SRSF11: variants seen among roughly 807,000 people sequenced by gnomAD.
SRSF11 encodes the protein serine/arginine-rich splicing factor 11.
Under a neutral mutation model 56.0 loss-of-function variants are expected in SRSF11, and 9 were observed. That is an observed-to-expected ratio of 0.16 (90% CI 0.10 to 0.28). The LOEUF (loss-of-function observed/expected upper bound fraction) is 0.28, where lower values mean the gene tolerates loss of function less well. Ranked by LOEUF, SRSF11 falls within the 10% of genes least tolerant of loss-of-function variation. The pLI is 1.00. For missense variants in SRSF11, 421 were observed against 600.7 expected (o/e 0.70, Z 3.13); for synonymous variants, 222 against 215.3 (o/e 1.03, Z -0.27).
intron 1 of SRSF11, among the ~76,000 whole-genome samples, chr1:70,213,500 GATTT>G (rs538837348): frequency 1.7e-3 from 260 of 152,198 alleles, no homozygotes; most frequent in African/African-American, 6.1e-3. Flanking sequence ...AATTTTTGTG[GATTT>G]ATTATGACAA....
intron 7 of SRSF11, among the ~76,000 whole-genome samples, chr1:70,242,410 C>T (rs1675665089): frequency 6.6e-6 from 1 of 151,832 alleles, no homozygotes; most frequent in East Asian, 1.9e-4. Flanking sequence ...ATCCTCCCAC[C>T]TCAGCCTCCT....
intron 1 of SRSF11, among the ~76,000 whole-genome samples, chr1:70,208,537 C>T (rs1669264246): frequency 6.6e-6 from 1 of 152,094 alleles, no homozygotes; most frequent in African/African-American, 2.4e-5. Context: ...AGGGTTTCGC[C>T]ATGTTGGCCA....
At position 70,221,646 on chromosome 1, in the gene SRSF11, A is replaced by G. The variant is rs777093036; in HGVS notation, c.10A>G (p.Thr4Ala). The change falls in exon 1 of 12, where the codon ACT (threonine) becomes GCT (alanine). Residue 4 changes from threonine (T) to alanine (A), a missense_variant. Physicochemically the swap from Thr to Ala is moderately conservative, Grantham distance 58. Coordinates refer to ENST00000370949, the MANE Select transcript of SRSF11 (RefSeq NM_001350605.2). ...GAACCCGAGCAGCGCCATGAGCAACACTACCGTCGTCCCCAGCACTGCAGG... is the reference window on the plus strand; with the variant it reads ...GAACCCGAGCAGCGCCATGAGCAACGCTACCGTCGTCCCCAGCACTGCAGG... MSNTTVVPSTAGPG... is the reference protein window; with the variant it reads MSNATVVPSTAGPG... 2.5e-5 allele frequency: 41 copies of G among 1,610,868 alleles called. No homozygotes were observed. Among genetic ancestry groups the G allele is most frequent in the Non-Finnish European group, 2.7e-5 (32 of 1,178,502 alleles).
intron 11 of SRSF11, 27 bp downstream of exon 11, chr1:70,250,530 A>G: frequency 1.9e-6 from 3 of 1,607,126 alleles, no homozygotes; most frequent in East Asian, 2.2e-5. Flanking sequence ...ATTTATTTTT[A>G]TATTTGGGGT....
Position 70,251,809 on chromosome 1 carries a change from C to T in SRSF11, c.*1004C>T, listed in dbSNP as rs1677997656. The T allele has an allele frequency of 6.6e-6, 1 of 152,488 alleles. No individual in the cohort carries two copies. Among genetic ancestry groups the T allele is most frequent in the Non-Finnish European group, 1.5e-5 (1 of 67,986 alleles). The allele number at this position is 152,488 out of a possible 1,614,324, so 9.4% of individuals were successfully genotyped here. A position where few individuals can be genotyped will look rare whatever the true frequency, so the allele number is the denominator to read the frequency against. ...GTATAAAACCAATAAATTTGTGTTA[C>T]TGCAGTAGTAATCTTATGCACACGG... On this transcript the variant is annotated 3_prime_UTR_variant, in exon 12 of 12. Coordinates refer to ENST00000370949, the MANE Select transcript of SRSF11 (RefSeq NM_001350605.2).
intron 1 of SRSF11, among the ~76,000 whole-genome samples, chr1:70,227,581 G>A (rs934129853): frequency 1.3e-5 from 2 of 152,086 alleles, no homozygotes; most frequent in Non-Finnish European, 2.9e-5. Context: ...ATAACTTTTG[G>A]TATGGGCTTG....
At chr1:70,233,203 CTGTTTTGTTT>C (rs998734370) in intron 3 of SRSF11, among the ~76,000 whole-genome samples, 1 of 151,382 alleles carries the variant, frequency 6.6e-6, no homozygotes, top group Non-Finnish European at 1.5e-5. Context: ...ATTCTTTGTT[CTGTTTTGTTT>C]TGTTTTTTTT....
At chr1:70,220,912 A>G (rs1230979600), upstream of SRSF11, 1 of 152,194 alleles carries the variant, frequency 6.6e-6, no homozygotes, top group Non-Finnish European at 1.5e-5. Context: ...TAATATTAAA[A>G]TATATCTTTT....
intron 4 of SRSF11, 65 bp from the exon 5 acceptor site, chr1:70,235,436 C>A: frequency 7.3e-7 from 1 of 1,362,374 alleles, no homozygotes; most frequent in Non-Finnish European, 1.0e-6. Context: ...CAGTTTTCTG[C>A]CTAGAAAATA....
chr1:70,228,301 A>G, intron 1 of SRSF11, 121 bp from the exon 2 acceptor site: 5 of 642,804 alleles, frequency 7.8e-6, no homozygotes, highest in Non-Finnish European at 1.1e-5. Flanking sequence ...GAATTTAACT[A>G]CATTAGTATA....
intron 1 of SRSF11, among the ~76,000 whole-genome samples, chr1:70,209,522 A>G (rs1216264920): frequency 1.3e-5 from 2 of 152,170 alleles, no homozygotes; most frequent in Admixed American, 6.5e-5. Flanking sequence ...TTAAAAATTT[A>G]GACTTACAAT....
chr1:70,246,554 CA>C (rs1300360407), intron 8 of SRSF11, among the ~76,000 whole-genome samples: 20 of 152,096 alleles, frequency 1.3e-4, no homozygotes, highest in Admixed American at 1.2e-3. Flanking sequence ...AAGTATATTT[CA>C]AGCCAACATC....
chr1:70,230,379 T>C, intron 2 of SRSF11: 1 of 1,077,250 alleles, frequency 9.3e-7, no homozygotes, highest in Non-Finnish European at 1.1e-6. Flanking sequence ...TCTTGGTCAG[T>C]GTTTTAGAAC....
intron 1 of SRSF11, among the ~76,000 whole-genome samples, chr1:70,214,062 A>G (rs1415884164): frequency 7.9e-5 from 12 of 152,164 alleles, no homozygotes; most frequent in Admixed American, 6.5e-4. Context: ...GCATGGGGGA[A>G]AAAAACATAA....
intron 1 of SRSF11, among the ~76,000 whole-genome samples, chr1:70,222,986 T>C (rs1161713384): frequency 1.3e-5 from 2 of 152,212 alleles, no homozygotes; most frequent in African/African-American, 4.8e-5. Context: ...AGGATTTACT[T>C]AGTTTGCATG....
chr1:70,235,446 A>G (rs1356098947), intron 4 of SRSF11, 55 bp from the exon 5 acceptor site: 2 of 1,436,012 alleles, frequency 1.4e-6, no homozygotes, highest in Non-Finnish European at 9.6e-7. Flanking sequence ...CCTAGAAAAT[A>G]TCGGTCATTT....
intron 1 of SRSF11, among the ~76,000 whole-genome samples, chr1:70,211,613 G>A (rs536660739): frequency 5.8e-4 from 88 of 152,132 alleles, no homozygotes; most frequent in African/African-American, 2.1e-3. Context: ...CTCACAATTT[G>A]GTAAGTGCTA....
intron 5 of SRSF11, among the ~76,000 whole-genome samples, chr1:70,236,619 C>T (rs544323905): frequency 1.3e-5 from 2 of 151,922 alleles, no homozygotes; most frequent in South Asian, 4.2e-4. Context: ...CATGAGCCAC[C>T]ATGCCCGGCC....
chr1:70,216,907 T>A (rs1188993076), upstream of SRSF11, among the ~76,000 whole-genome samples: 1 of 152,208 alleles, frequency 6.6e-6, no homozygotes, highest in African/African-American at 2.4e-5. Flanking sequence ...TGGAATGCAT[T>A]CACTTCACAA....
Sources: gnomAD v4.1 joint callset for allele counts (sites outside exome capture counted in the v4.1 genomes callset) on GRCh38, gnomAD v4.1.1 for gene constraint, MANE v1.5 for transcripts, NCBI Gene and HGNC (gene_info 2026-07-23, HGNC 2026-07-21) for gene names.